Variants in CADM4 observed in about 807,000 individuals in gnomAD.
CADM4 encodes cell adhesion molecule 4.
Under a neutral mutation model 43.9 loss-of-function variants are expected in CADM4, and 13 were observed. That is an observed-to-expected ratio of 0.30 (90% CI 0.19 to 0.47). The LOEUF is 0.47. Ranked by LOEUF, CADM4 falls within the 20% of genes least tolerant of loss-of-function variation. CADM4 has a pLI of 1.00. For synonymous variants in CADM4, 209 were observed against 220.9 expected (o/e 0.95, Z 0.48); for missense variants, 420 against 527.0 (o/e 0.80, Z 1.99).
chr19:43,639,668 G>A lies in CADM4; in HGVS notation c.64+59C>T, dbSNP rs1973747466. On this transcript the variant is annotated intron_variant, in intron 1 of 8. Coordinates refer to ENST00000222374, the MANE Select transcript of CADM4 (RefSeq NM_145296.2). ...TCTGCGGCCCCGAGGCTGCCGGGCT[G>A]TCACCACAGCGCGCCCCCCGCCCCA... 4.2e-6 allele frequency: 4 copies of A among 950,664 alleles called. No homozygotes were observed. The South Asian group carries it at 1.9e-4, about 44-fold the overall frequency. The allele number at this position is 950,664 out of a possible 1,614,324, so 58.9% of individuals were successfully genotyped here. A position where few individuals can be genotyped will look rare whatever the true frequency, so the allele number is the denominator to read the frequency against.
At position 43,627,324 on chromosome 19, in the gene CADM4, G is replaced by A; in HGVS notation, c.212-6C>T. On this transcript the variant is annotated splice_region_variant and splice_polypyrimidine_tract_variant and intron_variant, in intron 2 of 8. Transcript: ENST00000222374. The surrounding 1 kb of genome is among the most constrained non-coding windows in gnomAD (Gnocchi z 4.0). ...GAAACGCTCATCCTTCAAGGCTAGAGAGAGTGAGGGGGAAGGTGTGAATTT... is the reference window on the plus strand; with the variant it reads ...GAAACGCTCATCCTTCAAGGCTAGAAAGAGTGAGGGGGAAGGTGTGAATTT... 1 of 1,566,324 alleles carries A rather than the reference G, an allele frequency of 6.4e-7. No individual in the cohort carries two copies. Among genetic ancestry groups the A allele is most frequent in the Non-Finnish European group, 8.7e-7 (1 of 1,151,638 alleles).
intron 7 of CADM4, 103 bp downstream of exon 7, chr19:43,624,975 G>C (rs1973498048): frequency 7.8e-7 from 1 of 1,274,102 alleles, no homozygotes; most frequent in African/African-American, 1.5e-5. Context: ...AAAGAACTCT[G>C]TTGGCTGCCG....
chr19:43,631,494 C>T (rs1284981187), intron 1 of CADM4, among the ~76,000 whole-genome samples: 1 of 152,072 alleles, frequency 6.6e-6, no homozygotes, highest in African/African-American at 2.4e-5. Context: ...ATCCATTTTT[C>T]CCTTTCTCCT....
At position 43,627,262 on chromosome 19, in the gene CADM4, G is replaced by A. The variant is rs767615019; in HGVS notation, c.268C>T (p.Arg90Trp). The change falls in exon 3 of 9, where the codon CGG becomes TGG. Residue 90 changes from arginine to tryptophan, a missense_variant. Coordinates refer to ENST00000222374, the MANE Select transcript of CADM4 (RefSeq NM_145296.2). The surrounding 1 kb of genome is among the most constrained non-coding windows in gnomAD (Gnocchi z 4.0). ...TCCTCCAGGCGGGCATCTGAGAGCC[G>A]GATCCGCACCCGGCGTGGGGAGAAC... ...EEFSPRRVRI[R>W]LSDARLEDEG... 1.2e-6 allele frequency: 2 copies of A among 1,612,348 alleles called. No homozygotes were observed. Among genetic ancestry groups the A allele is most frequent in the Non-Finnish European group, 1.7e-6 (2 of 1,179,074 alleles).
At position 43,623,982 on chromosome 19, in the gene CADM4, T is replaced by G. The variant is rs909321075; in HGVS notation, c.1057+132A>C. 1 of 1,130,020 alleles carries G rather than the reference T, an allele frequency of 8.8e-7. No homozygotes were observed. Among genetic ancestry groups the G allele is most frequent in the Admixed American group, 2.4e-5 (1 of 41,304 alleles). 70.0% of individuals were successfully genotyped at this position (1,130,020 alleles called of 1,614,324 possible). Reference sequence around the variant, plus strand: ...CGAAAGCCCCGCCCCCTTTGTCATCTCCGCCCCCGGTGCGGCGGGATTTGG... The same window carrying G: ...CGAAAGCCCCGCCCCCTTTGTCATCGCCGCCCCCGGTGCGGCGGGATTTGG... On this transcript the variant is annotated intron_variant, in intron 8 of 8. Coordinates refer to ENST00000222374, the MANE Select transcript of CADM4 (RefSeq NM_145296.2). The surrounding 1 kb of genome is among the most constrained non-coding windows in gnomAD (Gnocchi z 4.4).
chr19:43,626,649 C>T lies in CADM4; in HGVS notation c.499+135G>A, dbSNP rs1417000275. On this transcript the variant is annotated intron_variant, in intron 4 of 8. Transcript: ENST00000222374. This position sits in a 1 kb window ranked among gnomAD's most constrained non-coding sequence, Gnocchi z 5.9. Reference sequence around the variant, plus strand: ...AAGTGCTAGGACTACAGGCGTGAGCCACCGCGCTCGACATCAACCACTACA... The same window carrying T: ...AAGTGCTAGGACTACAGGCGTGAGCTACCGCGCTCGACATCAACCACTACA... The T allele has an allele frequency of 4.1e-6, 5 of 1,218,334 alleles. No homozygotes were observed. The highest frequency in any genetic ancestry group is 1.5e-5 in the African/African-American group (1 of 65,498). 75.5% of individuals were successfully genotyped at this position (1,218,334 alleles called of 1,614,324 possible).
chr19:43,637,860 G>T (rs775294437), intron 1 of CADM4, among the ~76,000 whole-genome samples: 2 of 152,084 alleles, frequency 1.3e-5, no homozygotes, highest in Non-Finnish European at 2.9e-5. Context: ...ACACCATCAC[G>T]GTTCTAGAAC....
upstream of CADM4, among the ~76,000 whole-genome samples, chr19:43,641,518 G>A (rs901294424): frequency 6.6e-6 from 1 of 151,534 alleles, no homozygotes; most frequent in Non-Finnish European, 1.5e-5. Flanking sequence ...TGTCCTTCAG[G>A]TCCAAGCTCC....
intron 1 of CADM4, among the ~76,000 whole-genome samples, chr19:43,632,576 G>A (rs1000551131): frequency 2.0e-5 from 3 of 152,000 alleles, no homozygotes; most frequent in African/African-American, 7.2e-5. Flanking sequence ...CGCTAGCCTT[G>A]CTGTCCCTCA....
At chr19:43,633,170 C>T (rs1199146790) in intron 1 of CADM4, among the ~76,000 whole-genome samples, 1 of 151,700 alleles carries the variant, frequency 6.6e-6, no homozygotes, top group Admixed American at 6.6e-5. Flanking sequence ...AACTCCTGGG[C>T]TCAAGCCATC....
rs139421078 is a variant in CADM4 at position 43,632,863 on chromosome 19, T to A, written c.65-5073A>T. Among the ~76,000 whole-genome samples, 642 of 152,046 alleles carry A rather than the reference T, an allele frequency of 4.2e-3. 2 individuals carry two copies. The highest frequency in any genetic ancestry group is 7.4e-3 in the Admixed American group (113 of 15,280). ...CTTTTGAGAGGCCAAGGCGGGCAGATCACCTCAGGTCAGGAGTTCAAGACC... is the reference window on the plus strand; with the variant it reads ...CTTTTGAGAGGCCAAGGCGGGCAGAACACCTCAGGTCAGGAGTTCAAGACC... On this transcript the variant is annotated intron_variant, in intron 1 of 8. Coordinates refer to ENST00000222374, the MANE Select transcript of CADM4 (RefSeq NM_145296.2).
intron 1 of CADM4, among the ~76,000 whole-genome samples, chr19:43,628,659 G>C (rs1421146646): frequency 2.0e-5 from 3 of 152,192 alleles, no homozygotes; most frequent in Admixed American, 6.5e-5. Flanking sequence ...GGTAAGCCTT[G>C]AGAGTTGCTT....
chr19:43,630,104 C>A (rs537291213), intron 1 of CADM4, among the ~76,000 whole-genome samples: 2 of 151,196 alleles, frequency 1.3e-5, no homozygotes, highest in African/African-American at 4.9e-5. Context: ...GGAGTTTCAC[C>A]GTGTTGCCCA....
Position 43,626,040 on chromosome 19 carries a change from C to T in CADM4, c.665-39G>A, listed in dbSNP as rs1290883421. ...GTAAGAGGAGAGAGTAGTTTCCAAG[C>T]CATCACGCAGGACAAGGGGGACCCT... On this transcript the variant is annotated intron_variant, in intron 5 of 8. Coordinates refer to ENST00000222374, the MANE Select transcript of CADM4 (RefSeq NM_145296.2). The surrounding 1 kb of genome is among the most constrained non-coding windows in gnomAD (Gnocchi z 5.9). 2 of 1,613,524 alleles carry T rather than the reference C, an allele frequency of 1.2e-6. No individual in the cohort carries two copies. Among genetic ancestry groups the T allele is most frequent in the Non-Finnish European group, 1.7e-6 (2 of 1,179,664 alleles).
At position 43,639,784 on chromosome 19, in the gene CADM4, G is replaced by A. The variant is rs2146167231; in HGVS notation, c.7C>T (p.Arg3Trp). Reference protein sequence around the residue: MGRARRFQWPLLL... With the variant: MGWARRFQWPLLL... ...AGCGGCCACTGGAAGCGCCGGGCCC[G>A]GCCCATGGTGCCGCCGCCGCCGCCG... is the stretch of plus-strand genomic sequence containing the variant. Residue 3 changes from arginine (R) to tryptophan (W), a missense_variant, in exon 1 of 9, where the codon CGG becomes TGG. Arg to Trp is a moderately radical substitution (Grantham distance 101). Transcript: ENST00000222374. The A allele has an allele frequency of 4.0e-6, 4 of 1,010,454 alleles. No individual in the cohort carries two copies. Among genetic ancestry groups the A allele is most frequent in the South Asian group, 3.8e-5 (1 of 25,998 alleles). 62.6% of individuals were successfully genotyped at this position (1,010,454 alleles called of 1,614,324 possible). A position where few individuals can be genotyped will look rare whatever the true frequency, so the allele number is the denominator to read the frequency against.
At position 43,623,232 on chromosome 19, in the gene CADM4, A is replaced by C; in HGVS notation, c.*98T>G. 3 of 869,448 alleles carry C rather than the reference A, an allele frequency of 3.5e-6. No individual in the cohort carries two copies. Among genetic ancestry groups the C allele is most frequent in the Non-Finnish European group, 5.8e-6 (3 of 517,790 alleles). 53.9% of individuals were successfully genotyped at this position (869,448 alleles called of 1,614,324 possible). On this transcript the variant is annotated 3_prime_UTR_variant, in exon 9 of 9. Transcript: ENST00000222374. This position sits in a 1 kb window ranked among gnomAD's most constrained non-coding sequence, Gnocchi z 4.4. ...TTAGTGGTGGGGGGAGAAGCCCACCATCCCAGACTCTGGTAAATGTCTTTG... is the reference window on the plus strand; with the variant it reads ...TTAGTGGTGGGGGGAGAAGCCCACCCTCCCAGACTCTGGTAAATGTCTTTG...
Position 43,623,059 on chromosome 19 carries a change from C to T in CADM4, c.*271G>A, listed in dbSNP as rs371378992. ...CCTTCCCCCAGTTATCTTCCCCCAACCCAATCCCTACTGCCCTCACTGGAC... is the reference window on the plus strand; with the variant it reads ...CCTTCCCCCAGTTATCTTCCCCCAATCCAATCCCTACTGCCCTCACTGGAC... On this transcript the variant is annotated 3_prime_UTR_variant, in exon 9 of 9. Coordinates refer to ENST00000222374, the MANE Select transcript of CADM4 (RefSeq NM_145296.2). The surrounding 1 kb of genome is among the most constrained non-coding windows in gnomAD (Gnocchi z 4.4). 135 of 281,784 alleles carry T rather than the reference C, an allele frequency of 4.8e-4. No individual in the cohort carries two copies. The East Asian group carries it at 9.6e-3, about 20-fold the overall frequency. The allele number at this position is 281,784 out of a possible 1,614,324, so 17.5% of individuals were successfully genotyped here.
Position 43,626,202 on chromosome 19 carries a change from T to C in CADM4, c.586A>G (p.Ile196Val), listed in dbSNP as rs950050689. Reference sequence around the variant, plus strand: ...TGGTTCTGCGCCTCACAGATGATGATACCACCGTCGTCCTTACGGTCCACA... The same window carrying C: ...TGGTTCTGCGCCTCACAGATGATGACACCACCGTCGTCCTTACGGTCCACA... The part of the protein sequence containing the change: ...FRVDRKDDGG[I>V]IICEAQNQAL... The change falls in exon 5 of 9, where the codon ATC becomes GTC. Residue 196 changes from isoleucine (I) to valine (V), a missense_variant. Ile to Val is a conservative substitution (Grantham distance 29). Transcript: ENST00000222374. This position sits in a 1 kb window ranked among gnomAD's most constrained non-coding sequence, Gnocchi z 5.9. The C allele has an allele frequency of 1.2e-6, 2 of 1,613,852 alleles. No individual in the cohort carries two copies. The highest frequency in any genetic ancestry group is 8.5e-7 in the Non-Finnish European group (1 of 1,179,980).
upstream of CADM4, chr19:43,639,867 G>T: frequency 1.0e-6 from 1 of 966,694 alleles, no homozygotes; most frequent in Non-Finnish European, 1.2e-6. Context: ...CCCGCCCCCC[G>T]CGCCCCGCCC....
Sources: allele counts gnomAD v4.1 joint callset (sites outside exome capture counted in the v4.1 genomes callset), GRCh38; gene constraint gnomAD v4.1.1; non-coding constraint Gnocchi (gnomAD v3.1); transcripts MANE v1.5; gene names NCBI Gene and HGNC (gene_info 2026-07-23, HGNC 2026-07-21).